Variants in CCDC148 observed in about 807,000 individuals in gnomAD.
CCDC148 encodes coiled-coil domain containing 148.
A neutral mutation model predicts 85.7 loss-of-function variants in CCDC148; 89 were observed. The observed-to-expected ratio is 1.04, with a 90% CI of 0.87 to 1.24. CCDC148 has a LOEUF of 1.24. Among genes scored for constraint, CCDC148 ranks in the 50% most tolerant of loss-of-function variants. The pLI is 0.00. For synonymous variants in CCDC148, 230 were observed against 213.9 expected, an observed-to-expected ratio of 1.08 and a Z score of -0.66; for missense variants, 692 against 671.7, an observed-to-expected ratio of 1.03 and a Z score of -0.33.
chr2:158,201,592 T>G (rs924768337), intron 11 of CCDC148, among the ~76,000 whole-genome samples: 2 of 152,010 alleles, frequency 1.3e-5, no homozygotes, highest in African/African-American at 4.8e-5. Context: ...TTCTATTTTT[T>G]GTAGACACAG....
At chr2:158,176,695 G>C (rs1257068589) in intron 12 of CCDC148, 34 bp from the exon 13 acceptor site, 4 of 1,606,886 alleles carry the variant, frequency 2.5e-6, no homozygotes, top group Non-Finnish European at 3.4e-6. Flanking sequence ...CTTGGAACAA[G>C]GTACAAACTA....
rs574306696 is a variant in CCDC148 at position 158,322,051 on chromosome 2, A to G, written c.765-8157T>C. The stretch of plus-strand genomic sequence containing the variant: ...CCAAATAATATAAAGTCTACTAATG[A>G]AAACATAAATTGTTTTTACTTGTCT... On this transcript the variant is annotated intron_variant, in intron 7 of 13. Coordinates refer to ENST00000283233, the MANE Select transcript of CCDC148 (RefSeq NM_138803.4). Among the ~76,000 whole-genome samples, 149 of 152,326 alleles carry G rather than the reference A, an allele frequency of 9.8e-4. 1 individual carries two copies. The highest frequency in any genetic ancestry group is 4.9e-4 in the Non-Finnish European group (33 of 68,030).
chr2:158,355,655 C>A (rs1683590898), intron 2 of CCDC148, among the ~76,000 whole-genome samples: 1 of 130,388 alleles, frequency 7.7e-6, no homozygotes, highest in East Asian at 2.2e-4. Flanking sequence ...CCATACTGCC[C>A]AAGGTAATTT....
At chr2:158,279,265 C>G (rs1235370497) in intron 9 of CCDC148, among the ~76,000 whole-genome samples, 1 of 152,140 alleles carries the variant, frequency 6.6e-6, no homozygotes, top group East Asian at 1.9e-4. Context: ...AACAATGGAA[C>G]AAAGCTGGAC....
intron 9 of CCDC148, among the ~76,000 whole-genome samples, chr2:158,267,162 T>C (rs1300270893): frequency 1.3e-5 from 2 of 152,068 alleles, no homozygotes; most frequent in Non-Finnish European, 1.5e-5. Flanking sequence ...TTCATTCCTT[T>C]CTTCTCCCCA....
chr2:158,194,991 T>G (rs1256446152), intron 11 of CCDC148, among the ~76,000 whole-genome samples: 2 of 151,890 alleles, frequency 1.3e-5, no homozygotes, highest in Non-Finnish European at 2.9e-5. Context: ...TAGTTCTGCA[T>G]GTGCTACAGT....
intron 11 of CCDC148, among the ~76,000 whole-genome samples, chr2:158,187,408 G>C (rs1254938583): frequency 6.6e-6 from 1 of 151,848 alleles, no homozygotes; most frequent in East Asian, 1.9e-4. Flanking sequence ...TCCCTTTTCA[G>C]ACACCATCTT....
chr2:158,196,776 C>T (rs2105278277), intron 11 of CCDC148, among the ~76,000 whole-genome samples: 1 of 152,224 alleles, frequency 6.6e-6, no homozygotes, highest in Non-Finnish European at 1.5e-5. Flanking sequence ...CCTACATTGT[C>T]TCCTATACCC....
chr2:158,324,860 C>T (rs1427916535), intron 7 of CCDC148, among the ~76,000 whole-genome samples: 1 of 151,942 alleles, frequency 6.6e-6, no homozygotes, highest in Non-Finnish European at 1.5e-5. Flanking sequence ...CCACCATGAA[C>T]ATCTATTCAT....
At chr2:158,331,704 C>T (rs1693134909) in intron 7 of CCDC148, among the ~76,000 whole-genome samples, 1 of 151,998 alleles carries the variant, frequency 6.6e-6, no homozygotes, top group Admixed American at 6.6e-5. Flanking sequence ...ATTGGGTGCA[C>T]ATATATTTAG....
In CCDC148 at chr2:158,298,485, T is replaced by G. The variant is rs1040427034; in HGVS notation, c.1110+10948A>C. Among the ~76,000 whole-genome samples, 18 of 152,324 alleles carry G rather than the reference T, an allele frequency of 1.2e-4. No homozygotes were observed. In the East Asian group the frequency reaches 3.3e-3, roughly 28 times the overall value. ...CTTTTTCTGGAACTTTAATTACATA[T>G]ATAATACAACTTTTTACCATGTTCC... On this transcript the variant is annotated intron_variant, in intron 9 of 13. Coordinates refer to ENST00000283233, the MANE Select transcript of CCDC148 (RefSeq NM_138803.4).
chr2:158,351,676 A>C (rs1215519309), intron 2 of CCDC148, among the ~76,000 whole-genome samples: 97 of 151,952 alleles, frequency 6.4e-4, no homozygotes, highest in Middle Eastern at 3.4e-3. Flanking sequence ...CCCAGGCTTG[A>C]TTAGGTAAAC....
chr2:158,435,880 A>C (rs1393534061), intron 1 of CCDC148, among the ~76,000 whole-genome samples: 2 of 152,372 alleles, frequency 1.3e-5, no homozygotes, highest in Non-Finnish European at 2.9e-5. Flanking sequence ...GAGACAAAGA[A>C]GGCCAATACA....
At chr2:158,326,003 C>T (rs1292291890) in intron 7 of CCDC148, among the ~76,000 whole-genome samples, 1 of 152,118 alleles carries the variant, frequency 6.6e-6, no homozygotes, top group Non-Finnish European at 1.5e-5. Flanking sequence ...CTGATTTTGT[C>T]ACTCTGCTCA....
intron 1 of CCDC148, among the ~76,000 whole-genome samples, chr2:158,405,728 T>C (rs1432069849): frequency 6.6e-6 from 1 of 152,198 alleles, no homozygotes; most frequent in East Asian, 1.9e-4. Flanking sequence ...AAGTTAATGA[T>C]TTACCTAATT....
In CCDC148 at chr2:158,340,696, T is replaced by A; in HGVS notation, c.252-16A>T. ...CATTTTACATCTGAAATAGATGTGA[T>A]CTCAATAAATGTTACAATCATAAAC... is the stretch of plus-strand genomic sequence containing the variant. On this transcript the variant is annotated splice_polypyrimidine_tract_variant and intron_variant, in intron 3 of 13. Transcript: ENST00000283233. 1 of 1,372,148 alleles carries A rather than the reference T, an allele frequency of 7.3e-7. No homozygotes were observed. 85.0% of individuals were successfully genotyped at this position (1,372,148 alleles called of 1,614,324 possible). A position where few individuals can be genotyped will look rare whatever the true frequency, so the allele number is the denominator to read the frequency against.
At chr2:158,353,563 C>G (rs1324235596) in intron 2 of CCDC148, among the ~76,000 whole-genome samples, 1 of 151,734 alleles carries the variant, frequency 6.6e-6, no homozygotes, top group Non-Finnish European at 1.5e-5. Context: ...ATAGGTGCAC[C>G]AAGATTCATA....
chr2:158,294,841 A>C (rs1311152392), intron 9 of CCDC148, among the ~76,000 whole-genome samples: 4 of 151,586 alleles, frequency 2.6e-5, no homozygotes, highest in Non-Finnish European at 4.4e-5. Flanking sequence ...AAACAAAAAA[A>C]AACCTGCCAA....
At chr2:158,327,556 A>G (rs1692843851) in intron 7 of CCDC148, among the ~76,000 whole-genome samples, 1 of 152,182 alleles carries the variant, frequency 6.6e-6, no homozygotes, top group Admixed American at 6.6e-5. Flanking sequence ...GGATTGTCTG[A>G]GCCCAAATCA....
Sources: gnomAD v4.1 joint callset for allele counts (sites outside exome capture counted in the v4.1 genomes callset) on GRCh38, gnomAD v4.1.1 for gene constraint, MANE v1.5 for transcripts, NCBI Gene and HGNC (gene_info 2026-07-23, HGNC 2026-07-21) for gene names.